Variants in GABRG3 observed in about 807,000 individuals in gnomAD.
The protein encoded by GABRG3 is gamma-aminobutyric acid receptor subunit gamma-3.
Under a neutral mutation model 48.8 loss-of-function variants are expected in GABRG3, and 25 were observed. That is an observed-to-expected ratio of 0.51 (90% CI 0.37 to 0.72). GABRG3 has a LOEUF of 0.72. GABRG3 is among the 30% of genes least tolerant of loss of function. The pLI is 0.00. For synonymous variants in GABRG3, 227 were observed against 217.6 expected, an observed-to-expected ratio of 1.04 and a Z score of -0.38; for missense variants, 394 against 577.9, an observed-to-expected ratio of 0.68 and a Z score of 3.26.
At chr15:27,259,175 A>G (rs1287254602) in intron 3 of GABRG3, among the ~76,000 whole-genome samples, 3 of 152,122 alleles carry the variant, frequency 2.0e-5, no homozygotes, top group African/African-American at 7.2e-5. Flanking sequence ...ACTATTGTGA[A>G]TAGTGCTGCA....
chr15:27,257,520 A>C (rs1237248784), intron 3 of GABRG3, among the ~76,000 whole-genome samples: 1 of 152,130 alleles, frequency 6.6e-6, no homozygotes, highest in Non-Finnish European at 1.5e-5. Context: ...TTTTACATTG[A>C]AGTCTTTAAG....
At chr15:27,239,684 G>A (rs577352988) in intron 3 of GABRG3, among the ~76,000 whole-genome samples, 85 of 152,228 alleles carry the variant, frequency 5.6e-4, no homozygotes, top group African/African-American at 1.9e-3. Flanking sequence ...TTTTTCCCAA[G>A]TTGTATCAAG....
At chr15:27,158,304 C>T (rs1290319559) in intron 3 of GABRG3, 1 of 152,168 alleles carries the variant, frequency 6.6e-6, no homozygotes, top group African/African-American at 2.4e-5. Flanking sequence ...CATTGTGCAA[C>T]AGTGGACGGA....
At chr15:27,403,904 C>CAAAA (rs1244077952) in intron 5 of GABRG3, among the ~76,000 whole-genome samples, 1 of 39,202 alleles carries the variant, frequency 2.6e-5, no homozygotes, top group Non-Finnish European at 4.4e-5. Flanking sequence ...AAGCCAGACT[C>CAAAA]AAAAAAAAAC....
At chr15:27,238,196 G>A (rs769038883) in intron 3 of GABRG3, among the ~76,000 whole-genome samples, 3 of 109,028 alleles carry the variant, frequency 2.8e-5, no homozygotes, top group East Asian at 5.1e-4. Context: ...TAAATGAGAC[G>A]TCAGGATGAG....
intron 5 of GABRG3, among the ~76,000 whole-genome samples, chr15:27,478,871 G>A (rs1375377874): frequency 6.6e-6 from 1 of 152,170 alleles, no homozygotes; most frequent in East Asian, 1.9e-4. Flanking sequence ...AACACATTAT[G>A]CTAAGTGAAA....
At chr15:27,079,253 G>T (rs551403279) in intron 3 of GABRG3, among the ~76,000 whole-genome samples, 1 of 152,256 alleles carries the variant, frequency 6.6e-6, no homozygotes, top group Non-Finnish European at 1.5e-5. Context: ...AGTTGCTAAA[G>T]GAGCCTGCAT....
rs745568268 is a variant in GABRG3 at position 27,319,628 on chromosome 15, G to A, written c.271-7181G>A. 1.1e-4 allele frequency among the ~76,000 whole-genome samples: 16 copies of A among 152,290 alleles called. No individual in the cohort carries two copies. Among genetic ancestry groups the A allele is most frequent in the Non-Finnish European group, 1.8e-4 (12 of 68,030 alleles). ...GACAGGAGGATGGAGAGGACTGGAC[G>A]AGGCTGGATAAGAGGGTGTCCAGGC... On this transcript the variant is annotated intron_variant, in intron 3 of 9. Coordinates refer to ENST00000615808, the MANE Select transcript of GABRG3 (RefSeq NM_033223.5). The surrounding 1 kb of genome is among the most constrained non-coding windows in gnomAD (Gnocchi z 4.4).
chr15:27,453,578 AAC>A (rs1445754298), intron 5 of GABRG3, among the ~76,000 whole-genome samples: 4 of 152,160 alleles, frequency 2.6e-5, no homozygotes, highest in Non-Finnish European at 5.9e-5. Context: ...AATGCAAAAC[AAC>A]ACAGACTTTA....
At chr15:27,127,111 T>C (rs1029936) in intron 3 of GABRG3, among the ~76,000 whole-genome samples, 43,059 of 151,988 alleles carry the variant, frequency 0.28, 7,488 homozygotes, top group African/African-American at 0.48. Context: ...TAAGTGTATA[T>C]ACAAAAGAGT....
chr15:26,971,569 T>C lies in GABRG3; in HGVS notation c.34T>C (p.Phe12Leu), dbSNP rs1453215550. 6.5e-7 allele frequency: 1 copy of C among 1,530,286 alleles called. No homozygotes were observed. The highest frequency in any genetic ancestry group is 2.6e-5 in the East Asian group (1 of 38,494). 94.8% of individuals were successfully genotyped at this position (1,530,286 alleles called of 1,614,324 possible). A position where few individuals can be genotyped will look rare whatever the true frequency, so the allele number is the denominator to read the frequency against. The part of the protein sequence containing the change: ...APKLLLLLCL[F>L]SGLHARSRKV... ...GAAGCTGCTGCTCCTCCTCTGCCTG[T>C]TCTCGGGCTTGCACGCGCGGTAAGT... is the stretch of plus-strand genomic sequence containing the variant. The change falls in exon 1 of 10, where the codon TTC becomes CTC. Residue 12 changes from phenylalanine (F) to leucine (L), a missense_variant. Physicochemically the swap from Phe to Leu is conservative, Grantham distance 22 (BLOSUM62 0). Around this residue, in one of 3 missense-constraint regions of GABRG3, gnomAD observed 218 missense variants for 309.9 expected, o/e 0.70. Coordinates refer to ENST00000615808, the MANE Select transcript of GABRG3 (RefSeq NM_033223.5).
rs77094210 is a variant in GABRG3 at position 27,234,554 on chromosome 15, A to G, written c.271-92255A>G. Reference sequence around the variant, plus strand: ...GTGATCTGCCTTTCTCCTCTTCTTTATCACACACATGAGGAGGGTACACAT... The same window carrying G: ...GTGATCTGCCTTTCTCCTCTTCTTTGTCACACACATGAGGAGGGTACACAT... On this transcript the variant is annotated intron_variant, in intron 3 of 9. Transcript: ENST00000615808. Among the ~76,000 whole-genome samples, 803 of 152,160 alleles carry G rather than the reference A, an allele frequency of 5.3e-3. 45 individuals carry two copies. In the East Asian group the frequency reaches 0.12, roughly 23 times the overall value.
chr15:27,114,980 G>A (rs914074096), intron 3 of GABRG3, among the ~76,000 whole-genome samples: 16 of 152,006 alleles, frequency 1.1e-4, no homozygotes, highest in African/African-American at 3.6e-4. Flanking sequence ...ATTGGTCCTT[G>A]AATTCTGGAA....
chr15:27,013,660 G>A (rs1204558784), intron 2 of GABRG3, among the ~76,000 whole-genome samples: 3 of 151,974 alleles, frequency 2.0e-5, no homozygotes, highest in Admixed American at 6.5e-5. Flanking sequence ...CATCATTGTT[G>A]AAATTCATTT....
intron 5 of GABRG3, among the ~76,000 whole-genome samples, chr15:27,427,422 A>T (rs1225092166): frequency 6.6e-6 from 1 of 152,238 alleles, no homozygotes; most frequent in Admixed American, 6.5e-5. Context: ...CATTTGGATC[A>T]GCTATTTCAC....
chr15:27,487,985 G>A (rs1299604494), intron 6 of GABRG3, among the ~76,000 whole-genome samples: 3 of 152,242 alleles, frequency 2.0e-5, no homozygotes, highest in South Asian at 2.1e-4. Flanking sequence ...ATGCGAGGGC[G>A]AGCCGTCCTG....
intron 3 of GABRG3, chr15:27,208,397 G>T: frequency 4.5e-6 from 1 of 224,328 alleles, no homozygotes; most frequent in Non-Finnish European, 1.0e-5. Flanking sequence ...GGTGATGCCA[G>T]AGTCCTTGGA....
chr15:27,225,821 G>A (rs1182098227), intron 3 of GABRG3, among the ~76,000 whole-genome samples: 2 of 152,100 alleles, frequency 1.3e-5, no homozygotes, highest in Non-Finnish European at 2.9e-5. Flanking sequence ...CCCACAGGAA[G>A]TGCATGTGGG....
chr15:27,241,891 G>T (rs1299027978), intron 3 of GABRG3, among the ~76,000 whole-genome samples: 1 of 152,168 alleles, frequency 6.6e-6, no homozygotes, highest in African/African-American at 2.4e-5. Context: ...CAATATTACT[G>T]TATGTGAATT....
Sources: allele counts gnomAD v4.1 joint callset (sites outside exome capture counted in the v4.1 genomes callset), GRCh38; gene constraint gnomAD v4.1.1; regional missense constraint gnomAD v4.1.1; non-coding constraint Gnocchi (gnomAD v3.1); transcripts MANE v1.5; gene names NCBI Gene and HGNC (gene_info 2026-07-23, HGNC 2026-07-21).